TBCA: variants seen among roughly 807,000 people sequenced by gnomAD.
TBCA encodes tubulin folding cofactor A.
A neutral mutation model predicts 15.8 loss-of-function variants in TBCA; 6 were observed. The ratio of observed to expected loss-of-function variants is 0.38; its 90% CI spans 0.21 to 0.75. The LOEUF (loss-of-function observed/expected upper bound fraction) is 0.75, where lower values mean the gene tolerates loss of function less well. Ranked by LOEUF, TBCA falls within the 30% of genes least tolerant of loss-of-function variation. The pLI, the probability that TBCA is intolerant of heterozygous loss-of-function variation, is 0.46. For synonymous variants in TBCA, 32 were observed against 42.3 expected (o/e 0.76, Z 0.94); for missense variants, 90 against 131.2 (o/e 0.69, Z 1.53).
At chr5:77,762,972 G>A (rs1039077185) in intron 1 of TBCA, among the ~76,000 whole-genome samples, 2 of 152,178 alleles carry the variant, frequency 1.3e-5, no homozygotes, top group Admixed American at 1.3e-4. Context: ...GGCCGGGCGC[G>A]GTGGCTCACG....
chr5:77,751,155 CTTTCTTTTTTTTT>C (rs1561280316), intron 1 of TBCA, among the ~76,000 whole-genome samples: 1 of 106,904 alleles, frequency 9.4e-6, no homozygotes, highest in Non-Finnish European at 1.9e-5. Flanking sequence ...GTCTTTCTTT[CTTTCTTTTTTTTT>C]TTTTTTTTTT....
At chr5:77,728,559 T>C (rs1746683669) in intron 1 of TBCA, among the ~76,000 whole-genome samples, 2 of 152,250 alleles carry the variant, frequency 1.3e-5, no homozygotes, top group African/African-American at 2.4e-5. Context: ...CCTCAACAAC[T>C]TGATAATCCC....
At chr5:77,699,396 A>G (rs1171103323) in intron 2 of TBCA, among the ~76,000 whole-genome samples, 3 of 152,204 alleles carry the variant, frequency 2.0e-5, no homozygotes, top group Non-Finnish European at 1.5e-5. Flanking sequence ...CAGTATTGTT[A>G]ATGAACCAGA....
intron 1 of TBCA, among the ~76,000 whole-genome samples, chr5:77,721,916 A>G (rs1203432447): frequency 2.0e-5 from 3 of 152,110 alleles, no homozygotes; most frequent in African/African-American, 7.2e-5. Context: ...TTATTTTAAA[A>G]TGTTGCATTT....
chr5:77,723,762 TA>T (rs1413810369), intron 1 of TBCA, among the ~76,000 whole-genome samples: 1 of 152,046 alleles, frequency 6.6e-6, no homozygotes, highest in African/African-American at 2.4e-5. Context: ...TAAGACAATG[TA>T]GTAATAGATA....
intron 1 of TBCA, among the ~76,000 whole-genome samples, chr5:77,771,937 G>A (rs889889700): frequency 1.3e-5 from 2 of 152,168 alleles, no homozygotes; most frequent in Non-Finnish European, 2.9e-5. Flanking sequence ...TTTGGGGCAT[G>A]AATAATGACT....
At chr5:77,718,919 T>C (rs1158896760) in intron 1 of TBCA, among the ~76,000 whole-genome samples, 1 of 152,156 alleles carries the variant, frequency 6.6e-6, no homozygotes, top group Non-Finnish European at 1.5e-5. Flanking sequence ...CATCAATCCT[T>C]CCACTCTCCC....
intron 1 of TBCA, among the ~76,000 whole-genome samples, chr5:77,717,453 TGGG>T (rs74396014): frequency 0.49 from 73,685 of 151,430 alleles, 17,996 homozygotes; most frequent in South Asian, 0.52. Flanking sequence ...CCCAGTTTTA[TGGG>T]GATTTCCACT....
At chr5:77,729,254 C>T (rs1746703224) in intron 1 of TBCA, among the ~76,000 whole-genome samples, 2 of 151,926 alleles carry the variant, frequency 1.3e-5, no homozygotes, top group African/African-American at 4.8e-5. Flanking sequence ...GAAGAGGTTG[C>T]AGTGAGCCAA....
intron 1 of TBCA, among the ~76,000 whole-genome samples, chr5:77,759,301 G>T (rs1210402601): frequency 6.6e-6 from 1 of 152,194 alleles, no homozygotes; most frequent in African/African-American, 2.4e-5. Flanking sequence ...GAGTTGTGGA[G>T]ATCAAGGTTT....
chr5:77,730,958 T>C (rs866524024), intron 1 of TBCA, among the ~76,000 whole-genome samples: 9 of 152,340 alleles, frequency 5.9e-5, no homozygotes, highest in Non-Finnish European at 1.0e-4. Flanking sequence ...AGCAATATCC[T>C]CCTGATGAAC....
intron 1 of TBCA, among the ~76,000 whole-genome samples, chr5:77,773,220 T>C (rs1460344129): frequency 6.6e-6 from 1 of 152,218 alleles, no homozygotes; most frequent in East Asian, 1.9e-4. Context: ...CCCTTCCTAT[T>C]ACCAATTTTA....
chr5:77,763,228 A>G (rs1438728324), intron 1 of TBCA, among the ~76,000 whole-genome samples: 1 of 152,194 alleles, frequency 6.6e-6, no homozygotes, highest in Non-Finnish European at 1.5e-5. Context: ...TGGGCGACAG[A>G]GCAAGACTCC....
intron 1 of TBCA, among the ~76,000 whole-genome samples, chr5:77,716,136 T>C (rs950522928): frequency 5.9e-5 from 9 of 152,196 alleles, no homozygotes; most frequent in Non-Finnish European, 1.0e-4. Flanking sequence ...CACAATGTTT[T>C]TAAAAGAGTC....
chr5:77,769,497 C>T (rs576624960), intron 1 of TBCA, among the ~76,000 whole-genome samples: 1 of 152,198 alleles, frequency 6.6e-6, no homozygotes, highest in East Asian at 1.9e-4. Context: ...GCATTCTTCA[C>T]TTTTTATATC....
At chr5:77,722,054 C>T (rs1746540863) in intron 1 of TBCA, among the ~76,000 whole-genome samples, 1 of 152,012 alleles carries the variant, frequency 6.6e-6, no homozygotes, top group African/African-American at 2.4e-5. Context: ...ATTTGAAGAG[C>T]ATCACAACTT....
At chr5:77,767,435 TAATC>T (rs1189447794) in intron 1 of TBCA, among the ~76,000 whole-genome samples, 5 of 152,232 alleles carry the variant, frequency 3.3e-5, no homozygotes, top group Admixed American at 3.3e-4. Context: ...GAATGTCTTG[TAATC>T]ATTGTGTGAA....
intron 1 of TBCA, among the ~76,000 whole-genome samples, chr5:77,735,317 T>C (rs1039501506): frequency 4.6e-5 from 7 of 152,212 alleles, no homozygotes; most frequent in Non-Finnish European, 7.4e-5. Flanking sequence ...TCTACTCTAC[T>C]TTCCCTCAAG....
chr5:77,695,105 T>C (rs1027461568), intron 2 of TBCA, among the ~76,000 whole-genome samples: 2 of 152,180 alleles, frequency 1.3e-5, no homozygotes, highest in Non-Finnish European at 2.9e-5. Flanking sequence ...CAAGATGAAA[T>C]GACTAGGTCA....
Sources: gnomAD v4.1 joint callset for allele counts (sites outside exome capture counted in the v4.1 genomes callset) on GRCh38, gnomAD v4.1.1 for gene constraint, MANE v1.5 for transcripts, NCBI Gene and HGNC (gene_info 2026-07-23, HGNC 2026-07-21) for gene names.